TRMT11: variants seen among roughly 807,000 people sequenced by gnomAD.
TRMT11 encodes the protein tRNA (guanine(10)-N(2))-methyltransferase TRMT11.
In TRMT11, 53 loss-of-function variants were observed where a neutral mutation model predicts 62.8. The ratio of observed to expected loss-of-function variants is 0.84; its 90% CI spans 0.68 to 1.06. The LOEUF is 1.06. Among genes scored for constraint, TRMT11 ranks in the 50% least tolerant of loss-of-function variants. TRMT11 has a pLI of 0.00. For synonymous variants in TRMT11, 188 were observed against 190.3 expected, an observed-to-expected ratio of 0.99 and a Z score of 0.10; for missense variants, 556 against 553.4, an observed-to-expected ratio of 1.00 and a Z score of -0.05.
At chr6:126,223,749 A>G in the TRMT11 span, among the ~76,000 whole-genome samples, 2 of 152,146 alleles carry the variant, frequency 1.3e-5, no homozygotes. Flanking sequence ...ATCCTCAAGT[A>G]TGTTTTCCAA....
chr6:126,082,782 A>G (rs933820589), intron 17 of TRMT11, among the ~76,000 whole-genome samples: 1 of 152,132 alleles, frequency 6.6e-6, no homozygotes, highest in Non-Finnish European at 1.5e-5. Context: ...TTTTAATTCA[A>G]AGGTCATTGT....
chr6:126,124,940 C>T (rs1777698114), intron 21 of TRMT11, among the ~76,000 whole-genome samples: 1 of 152,122 alleles, frequency 6.6e-6, no homozygotes, highest in South Asian at 2.1e-4. Flanking sequence ...AATTAACCTC[C>T]TGTCTTTTGC....
At chr6:126,242,909 G>A in the TRMT11 span, among the ~76,000 whole-genome samples, 1 of 152,126 alleles carries the variant, frequency 6.6e-6, no homozygotes, top group Admixed American at 6.5e-5. Context: ...AAAAGCAATG[G>A]CCACAAAAGC....
intron 21 of TRMT11, among the ~76,000 whole-genome samples, chr6:126,154,177 G>A (rs780488766): frequency 6.6e-6 from 1 of 152,232 alleles, no homozygotes; most frequent in Middle Eastern, 3.4e-3. Flanking sequence ...TAGCAAATAA[G>A]CTTTCAGTCT....
intron 21 of TRMT11, among the ~76,000 whole-genome samples, chr6:126,151,850 C>CTTTCTTTCTT (rs1230275451): frequency 7.7e-6 from 1 of 129,408 alleles, no homozygotes; most frequent in African/African-American, 3.0e-5. Context: ...TTCTTTCTTT[C>CTTTCTTTCTT]TTTCTTTCTT....
chr6:125,999,099 T>C (rs1792068832), intron 6 of TRMT11, among the ~76,000 whole-genome samples: 1 of 152,158 alleles, frequency 6.6e-6, no homozygotes, highest in South Asian at 2.1e-4. Context: ...TTCTGCCGAC[T>C]TCTCTGAGGC....
At chr6:126,214,509 A>T in the TRMT11 span, among the ~76,000 whole-genome samples, 1 of 151,944 alleles carries the variant, frequency 6.6e-6, no homozygotes, top group South Asian at 2.1e-4. Flanking sequence ...TAGTTTTTCC[A>T]ATTTATTGGC....
chr6:125,997,560 T>C lies in TRMT11; in HGVS notation c.213-493T>C, dbSNP rs571564339. Among the ~76,000 whole-genome samples, 24 of 152,256 alleles carry C rather than the reference T, an allele frequency of 1.6e-4. No homozygotes were observed. In the East Asian group the frequency reaches 2.9e-3, roughly 18 times the overall value. Reference sequence around the variant, plus strand: ...TATCACTCTGTTGTCCATGCTGGAGTGCGGTGACATGATCTTGGCTCATTT... The same window carrying C: ...TATCACTCTGTTGTCCATGCTGGAGCGCGGTGACATGATCTTGGCTCATTT... On this transcript the variant is annotated intron_variant, in intron 3 of 12. Coordinates refer to ENST00000334379, the MANE Select transcript of TRMT11 (RefSeq NM_001031712.3).
chr6:126,268,543 C>G, the TRMT11 span, among the ~76,000 whole-genome samples: 1 of 152,150 alleles, frequency 6.6e-6, no homozygotes, highest in African/African-American at 2.4e-5. Context: ...ACAAACTGAA[C>G]CCAGTAAAAT....
At chr6:126,181,200 C>T (rs2128240993) in intron 1 of TRMT11, among the ~76,000 whole-genome samples, 1 of 152,250 alleles carries the variant, frequency 6.6e-6, no homozygotes, top group African/African-American at 2.4e-5. Context: ...GAAATGTTTT[C>T]ACTCCCAATT....
At chr6:126,177,919 GC>G (rs1778407256) in intron 1 of TRMT11, among the ~76,000 whole-genome samples, 1 of 151,756 alleles carries the variant, frequency 6.6e-6, no homozygotes, top group Non-Finnish European at 1.5e-5. Context: ...TTTCCCTTAA[GC>G]CCTCTGGCTG....
chr6:126,037,143 T>C (rs1775339166), intron 12 of TRMT11, among the ~76,000 whole-genome samples: 1 of 152,064 alleles, frequency 6.6e-6, no homozygotes, highest in Non-Finnish European at 1.5e-5. Flanking sequence ...ATAGCTCTTT[T>C]GGAGAAAACC....
At chr6:126,262,258 T>G in the TRMT11 span, among the ~76,000 whole-genome samples, 1 of 152,060 alleles carries the variant, frequency 6.6e-6, no homozygotes, top group African/African-American at 2.4e-5. Context: ...AGGTTAGGTG[T>G]GGGTGCACAT....
intron 1 of TRMT11, among the ~76,000 whole-genome samples, chr6:126,194,985 A>C (rs867804863): frequency 6.6e-6 from 1 of 152,132 alleles, no homozygotes; most frequent in African/African-American, 2.4e-5. Flanking sequence ...GTGTGGTGGC[A>C]TGCCCCTGTT....
At chr6:126,025,394 A>G (rs936694820) in intron 12 of TRMT11, among the ~76,000 whole-genome samples, 4 of 152,154 alleles carry the variant, frequency 2.6e-5, no homozygotes, top group African/African-American at 9.7e-5. Flanking sequence ...TGTCAGGTTT[A>G]CTTTTTATCA....
intron 17 of TRMT11, among the ~76,000 whole-genome samples, chr6:126,082,934 G>A (rs1475370150): frequency 6.6e-6 from 1 of 151,944 alleles, no homozygotes; most frequent in African/African-American, 2.4e-5. Flanking sequence ...GCCTACAGAT[G>A]AGAAAAAAAT....
chr6:126,246,942 C>G, the TRMT11 span, among the ~76,000 whole-genome samples: 17 of 152,286 alleles, frequency 1.1e-4, no homozygotes, highest in East Asian at 3.3e-3. Flanking sequence ...AGGAGCGCAG[C>G]CTACAATTTG....
chr6:126,257,845 C>G, the TRMT11 span: 1 of 1,090,808 alleles, frequency 9.2e-7, no homozygotes, highest in East Asian at 2.5e-5. Flanking sequence ...CCACAGGGTC[C>G]GCTGGTATTG....
chr6:126,066,857 G>GA (rs1370609609), intron 17 of TRMT11, among the ~76,000 whole-genome samples: 1 of 151,192 alleles, frequency 6.6e-6, no homozygotes, highest in African/African-American at 2.4e-5. Flanking sequence ...TAGCCACAGT[G>GA]AAAAACAAGG....
Sources: gnomAD v4.1 joint callset for allele counts (sites outside exome capture counted in the v4.1 genomes callset) on GRCh38, gnomAD v4.1.1 for gene constraint, MANE v1.5 for transcripts, NCBI Gene and HGNC (gene_info 2026-07-23, HGNC 2026-07-21) for gene names.